The following HSD17B4 variants were observed in gnomAD, a reference collection of about 807,000 sequenced individuals.
HSD17B4 encodes the protein peroxisomal multifunctional enzyme type 2.
In HSD17B4, 70 loss-of-function variants were observed where a neutral mutation model predicts 101.0. The ratio of observed to expected loss-of-function variants is 0.69; its 90% CI spans 0.57 to 0.85. The LOEUF (loss-of-function observed/expected upper bound fraction) is 0.85, where lower values mean the gene tolerates loss of function less well. HSD17B4 is among the 40% of genes least tolerant of loss of function. The probability of loss-of-function intolerance (pLI) is 0.00; values close to 1 mark genes in which losing one functional copy is unlikely to be tolerated. For missense variants in HSD17B4, 984 were observed against 892.4 expected (o/e 1.10, Z -1.31); for synonymous variants, 347 against 297.1 (o/e 1.17, Z -1.73).
intron 8 of HSD17B4, among the ~76,000 whole-genome samples, chr5:119,486,312 G>A (rs1027036651): frequency 5.3e-5 from 8 of 152,130 alleles, no homozygotes; most frequent in African/African-American, 1.9e-4. Context: ...TAAATTAAAG[G>A]ACATGGGGGT....
At chr5:119,490,531 C>T (rs569959866) in intron 9 of HSD17B4, among the ~76,000 whole-genome samples, 1 of 151,998 alleles carries the variant, frequency 6.6e-6, no homozygotes, top group African/African-American at 2.4e-5. Context: ...TTATGTTTTT[C>T]CTTCCAGTCT....
intron 1 of HSD17B4, 175 bp downstream of exon 1, chr5:119,452,808 G>A: frequency 6.5e-7 from 1 of 1,538,016 alleles, no homozygotes; most frequent in South Asian, 1.2e-5. Flanking sequence ...GGAAACACCT[G>A]GTCTCTCAAG....
intron 2 of HSD17B4, among the ~76,000 whole-genome samples, chr5:119,465,790 T>C (rs978256287): frequency 2.6e-5 from 4 of 152,220 alleles, no homozygotes; most frequent in Admixed American, 2.6e-4. Context: ...TTGATGTCCT[T>C]CTTTTTAATT....
In HSD17B4 at chr5:119,475,872, T is replaced by A; in HGVS notation, c.349+2T>A. ...CTAGGATAAGTGATGAAGACTGGGG[T>A]AAGTTGTTTTTAGTATTTCTCTGGG... On this transcript the variant is annotated splice_donor_variant, in intron 6 of 23. Transcript: ENST00000510025. LOFTEE classifies it high-confidence loss of function. The A allele has an allele frequency of 6.3e-7, 1 of 1,586,508 alleles. No individual in the cohort carries two copies. The highest frequency in any genetic ancestry group is 8.7e-7 in the Non-Finnish European group (1 of 1,154,992).
intron 15 of HSD17B4, among the ~76,000 whole-genome samples, chr5:119,508,787 AGTTCGAG>A (rs1419339413): frequency 2.0e-5 from 3 of 152,202 alleles, no homozygotes; most frequent in Non-Finnish European, 2.9e-5. Flanking sequence ...AATGTTTGAA[AGTTCGAG>A]TGTGGTTACC....
At chr5:119,537,479 TAA>T (rs1754632857) in intron 23 of HSD17B4, among the ~76,000 whole-genome samples, 1 of 152,168 alleles carries the variant, frequency 6.6e-6, no homozygotes, top group African/African-American at 2.4e-5. Flanking sequence ...AACCCTCTGT[TAA>T]TTTCTTTCCA....
chr5:119,531,533 G>T, intron 22 of HSD17B4, 129 bp downstream of exon 22: 1 of 859,390 alleles, frequency 1.2e-6, no homozygotes, highest in Non-Finnish European at 1.9e-6. Flanking sequence ...TTCTTTTCCC[G>T]TGGGAATGAA....
At chr5:119,462,877 G>T (rs1755405628) in intron 2 of HSD17B4, among the ~76,000 whole-genome samples, 1 of 152,054 alleles carries the variant, frequency 6.6e-6, no homozygotes, top group Non-Finnish European at 1.5e-5. Flanking sequence ...CTCTCTTCTA[G>T]CTATTTGAAA....
intron 8 of HSD17B4, among the ~76,000 whole-genome samples, chr5:119,487,101 A>G (rs1417785885): frequency 1.3e-5 from 2 of 152,134 alleles, no homozygotes; most frequent in African/African-American, 4.8e-5. Context: ...GTTGAAGTTC[A>G]GCGTAGAACA....
intron 15 of HSD17B4, among the ~76,000 whole-genome samples, chr5:119,507,737 T>C (rs1258582315): frequency 1.3e-5 from 2 of 151,552 alleles, no homozygotes; most frequent in Non-Finnish European, 2.9e-5. Flanking sequence ...TGAGCTGAGA[T>C]TGTGCCACTG....
At chr5:119,492,830 A>G (rs1440724281) in intron 10 of HSD17B4, 1 of 152,130 alleles carries the variant, frequency 6.6e-6, no homozygotes, top group Non-Finnish European at 1.5e-5. Flanking sequence ...GCTTTATGGC[A>G]TTAAAAAAAT....
At position 119,542,038 on chromosome 5, in the gene HSD17B4, C is replaced by A; in HGVS notation, c.*44C>A. 1 of 1,250,054 alleles carries A rather than the reference C, an allele frequency of 8.0e-7. No homozygotes were observed. Among genetic ancestry groups the A allele is most frequent in the Non-Finnish European group, 1.2e-6 (1 of 850,696 alleles). The allele number at this position is 1,250,054 out of a possible 1,614,324, so 77.4% of individuals were successfully genotyped here. ...AATAAAAATGGAATCATTAAATACT[C>A]TCTTCACCCAAATATGCTTGATTAT... is the stretch of plus-strand genomic sequence containing the variant. On this transcript the variant is annotated 3_prime_UTR_variant, in exon 24 of 24. Transcript: ENST00000510025.
At chr5:119,530,051 G>A in intron 21 of HSD17B4, 71 bp downstream of exon 21, 1 of 888,466 alleles carries the variant, frequency 1.1e-6, no homozygotes, top group Non-Finnish European at 1.9e-6. Context: ...CTTTAAGAGT[G>A]GTTAGGCTAC....
At chr5:119,468,877 C>G (rs996517575) in intron 2 of HSD17B4, among the ~76,000 whole-genome samples, 2 of 148,172 alleles carry the variant, frequency 1.3e-5, no homozygotes, top group Non-Finnish European at 3.0e-5. Flanking sequence ...CTTTCTTTTG[C>G]TTGATGTAGT....
chr5:119,478,343 T>C (rs1312598009), intron 7 of HSD17B4, among the ~76,000 whole-genome samples: 6 of 152,180 alleles, frequency 3.9e-5, no homozygotes. Flanking sequence ...TTGTTGGAGA[T>C]TTCTAGTTTA....
At chr5:119,537,278 G>A (rs913684108) in intron 23 of HSD17B4, among the ~76,000 whole-genome samples, 7 of 152,104 alleles carry the variant, frequency 4.6e-5, no homozygotes, top group African/African-American at 1.7e-4. Context: ...AAGTAGTATA[G>A]TAGGTAAAAA....
At chr5:119,509,304 T>G (rs1751952896) in intron 16 of HSD17B4, 60 bp downstream of exon 16, 2 of 1,033,442 alleles carry the variant, frequency 1.9e-6, no homozygotes, top group South Asian at 1.3e-5. Context: ...CCTATACAAT[T>G]GAGACTTGAA....
intron 1 of HSD17B4, among the ~76,000 whole-genome samples, chr5:119,455,131 C>G (rs1477613019): frequency 2.6e-5 from 4 of 152,158 alleles, no homozygotes; most frequent in Non-Finnish European, 4.4e-5. Flanking sequence ...CCTTCCACCC[C>G]TTATTGCTAG....
Position 119,509,082 on chromosome 5 carries a change from T to C in HSD17B4, c.1334-59T>C, listed in dbSNP as rs1580652036. Reference sequence around the variant, plus strand: ...CAGGAATTGTTGAACCTATCTTGGTTAACTAGTTATGCCTTTTGGTGGTAA... The same window carrying C: ...CAGGAATTGTTGAACCTATCTTGGTCAACTAGTTATGCCTTTTGGTGGTAA... On this transcript the variant is annotated intron_variant, in intron 15 of 23. Coordinates refer to ENST00000510025, the MANE Select transcript of HSD17B4 (RefSeq NM_000414.4). 6.6e-6 allele frequency: 6 copies of C among 913,926 alleles called. No homozygotes were observed. In the East Asian group the frequency reaches 1.4e-4, roughly 22 times the overall value. 56.6% of individuals were successfully genotyped at this position (913,926 alleles called of 1,614,324 possible).
Sources: gnomAD v4.1 joint callset for allele counts (sites outside exome capture counted in the v4.1 genomes callset) on GRCh38, gnomAD v4.1.1 for gene constraint, MANE v1.5 for transcripts, NCBI Gene and HGNC (gene_info 2026-07-23, HGNC 2026-07-21) for gene names.